The following MME variants were observed in gnomAD, a reference collection of about 807,000 sequenced individuals.
The protein encoded by MME is neprilysin.
In MME, 98 loss-of-function variants were observed where a neutral mutation model predicts 113.2. The ratio of observed to expected loss-of-function variants is 0.87; its 90% CI spans 0.74 to 1.02. The LOEUF is 1.02. Among genes scored for constraint, MME ranks in the 50% least tolerant of loss-of-function variants. The pLI, the probability that MME is intolerant of heterozygous loss-of-function variation, is 0.00. For synonymous variants in MME, 292 were observed against 300.6 expected (o/e 0.97, Z 0.30); for missense variants, 836 against 896.0 (o/e 0.93, Z 0.86).
At chr3:155,043,437 T>A (rs1713430609) in intron 1 of MME, among the ~76,000 whole-genome samples, 1 of 151,954 alleles carries the variant, frequency 6.6e-6, no homozygotes, top group Non-Finnish European at 1.5e-5. Flanking sequence ...GTTCAAGCGA[T>A]TCTCCTGCCT....
chr3:155,041,051 G>A (rs1713301883), intron 1 of MME, among the ~76,000 whole-genome samples: 1 of 152,066 alleles, frequency 6.6e-6, no homozygotes, highest in Non-Finnish European at 1.5e-5. Flanking sequence ...ACACAACAGA[G>A]AACATCTTTC....
chr3:155,035,715 A>G (rs1453773130), intron 1 of MME, among the ~76,000 whole-genome samples: 1 of 152,112 alleles, frequency 6.6e-6, no homozygotes, highest in Non-Finnish European at 1.5e-5. Flanking sequence ...GCCTGTAGAG[A>G]ACATTAGGGA....
intron 1 of MME, among the ~76,000 whole-genome samples, chr3:155,049,143 T>G (rs1311313332): frequency 6.6e-6 from 1 of 152,144 alleles, no homozygotes; most frequent in Non-Finnish European, 1.5e-5. Flanking sequence ...CATGTATGTA[T>G]AGTGAATTGA....
intron 1 of MME, among the ~76,000 whole-genome samples, chr3:155,028,882 G>A (rs1214482336): frequency 6.6e-6 from 1 of 152,038 alleles, no homozygotes; most frequent in Non-Finnish European, 1.5e-5. Flanking sequence ...CTTAATTTTA[G>A]TGTTTGAAAT....
chr3:155,050,515 T>A (rs1213951691), intron 1 of MME, among the ~76,000 whole-genome samples: 1 of 152,214 alleles, frequency 6.6e-6, no homozygotes, highest in African/African-American at 2.4e-5. Context: ...TTTTTAATAA[T>A]AACCATTCTG....
At chr3:155,039,493 T>C (rs1210522139) in intron 1 of MME, among the ~76,000 whole-genome samples, 1 of 152,208 alleles carries the variant, frequency 6.6e-6, no homozygotes, top group East Asian at 1.9e-4. Flanking sequence ...ATAAGTACCC[T>C]TCATTTTCTA....
At chr3:155,042,377 T>C (rs183256058) in intron 1 of MME, among the ~76,000 whole-genome samples, 21 of 152,240 alleles carry the variant, frequency 1.4e-4, no homozygotes, top group Admixed American at 1.2e-3. Flanking sequence ...GAAAAGAAAA[T>C]GTCTTTTCCT....
chr3:155,088,368 G>A (rs889353436), intron 3 of MME, among the ~76,000 whole-genome samples: 42 of 152,122 alleles, frequency 2.8e-4, no homozygotes, highest in African/African-American at 9.9e-4. Flanking sequence ...CCAGAGTAGA[G>A]TAGATGGAAA....
chr3:155,172,357 C>A (rs1712064299), intron 21 of MME, 145 bp downstream of exon 21: 1 of 796,586 alleles, frequency 1.3e-6, no homozygotes, highest in Non-Finnish European at 2.2e-6. Context: ...ACTGTTGGAT[C>A]ATATTAATGA....
chr3:155,064,768 T>C (rs998314486), intron 1 of MME, among the ~76,000 whole-genome samples: 1 of 152,200 alleles, frequency 6.6e-6, no homozygotes, highest in African/African-American at 2.4e-5. Context: ...ATATATTGCC[T>C]CACCAGTCCG....
chr3:155,115,213 A>T, intron 4 of MME, 58 bp downstream of exon 4: 1 of 1,582,366 alleles, frequency 6.3e-7, no homozygotes, highest in Non-Finnish European at 8.7e-7. Flanking sequence ...TTCATTTTTT[A>T]AATATACAAT....
At chr3:155,142,401 G>T (rs1205025069) in intron 12 of MME, 71 bp downstream of exon 12, 2 of 1,261,814 alleles carry the variant, frequency 1.6e-6, no homozygotes, top group African/African-American at 2.9e-5. Flanking sequence ...GGCTTACCAT[G>T]TACACTGCTA....
rs1712798248 is a variant in MME, at chr3:155,026,707, G to A, written c.-11+2383G>A. 3.9e-5 allele frequency among the ~76,000 whole-genome samples: 6 copies of A among 152,172 alleles called. No homozygotes were observed. The South Asian group carries it at 1.2e-3, about 31-fold the overall frequency. On this transcript the variant is annotated intron_variant, in intron 1 of 22. Transcript: ENST00000492661. ...TCACTGGACTCCAGACTGGGTGACAGTGAGACTCTGTCCCATTCCCCCCAC... is the reference window on the plus strand; with the variant it reads ...TCACTGGACTCCAGACTGGGTGACAATGAGACTCTGTCCCATTCCCCCCAC...
intron 22 of MME, among the ~76,000 whole-genome samples, chr3:155,176,615 C>T (rs1157199673): frequency 6.6e-6 from 1 of 152,104 alleles, no homozygotes; most frequent in Non-Finnish European, 1.5e-5. Context: ...CACTTGAGCT[C>T]AGGAGTTCAA....
intron 1 of MME, among the ~76,000 whole-genome samples, chr3:155,055,791 C>G (rs918577708): frequency 6.6e-6 from 1 of 152,024 alleles, no homozygotes; most frequent in African/African-American, 2.4e-5. Flanking sequence ...GTTATGCAGG[C>G]GTTTAAACTT....
intron 1 of MME, among the ~76,000 whole-genome samples, chr3:155,065,427 C>T (rs1714354610): frequency 6.6e-6 from 1 of 152,174 alleles, no homozygotes; most frequent in South Asian, 2.1e-4. Flanking sequence ...AATTACCCTT[C>T]CCTGAAGTCC....
intron 3 of MME, among the ~76,000 whole-genome samples, chr3:155,109,948 G>T (rs1718046147): frequency 1.3e-5 from 2 of 152,318 alleles, no homozygotes; most frequent in Admixed American, 6.5e-5. Flanking sequence ...CACCTAGCGT[G>T]GCCTCCATGC....
intron 16 of MME, among the ~76,000 whole-genome samples, chr3:155,152,061 T>C (rs911427718): frequency 1.3e-5 from 2 of 152,164 alleles, no homozygotes; most frequent in Admixed American, 6.5e-5. Context: ...TGTGACTGTT[T>C]TGAAGAGAAC....
chr3:155,114,962 C>T lies in MME; in HGVS notation c.197-32C>T, dbSNP rs1305399462. 7 of 1,610,552 alleles carry T rather than the reference C, an allele frequency of 4.3e-6. 1 individual carries two copies. The Admixed American group carries it at 8.3e-5, about 19-fold the overall frequency. ...TAAGCCTCTTAAGAAATAAACCCAT[C>T]ATTTTATCTAGTGTTTTCTCTGCTC... On this transcript the variant is annotated intron_variant, in intron 3 of 22. Coordinates refer to ENST00000360490, the MANE Select transcript of MME (RefSeq NM_007289.4).
Sources: gnomAD v4.1 joint callset for allele counts (sites outside exome capture counted in the v4.1 genomes callset) on GRCh38, gnomAD v4.1.1 for gene constraint, MANE v1.5 for transcripts, NCBI Gene and HGNC (gene_info 2026-07-23, HGNC 2026-07-21) for gene names.